Variants in GPC5 observed in about 807,000 individuals in gnomAD.
GPC5 encodes glypican-5.
A neutral mutation model predicts 53.9 loss-of-function variants in GPC5; 47 were observed. The ratio of observed to expected loss-of-function variants is 0.87; its 90% CI spans 0.69 to 1.11. GPC5 has a LOEUF of 1.11. Ranked by LOEUF, GPC5 falls within the 50% of genes most tolerant of loss-of-function variation. The probability of loss-of-function intolerance (pLI) is 0.00; values close to 1 mark genes in which losing one functional copy is unlikely to be tolerated. For missense variants in GPC5, 748 were observed against 713.1 expected (o/e 1.05, Z -0.56); for synonymous variants, 286 against 263.3 (o/e 1.09, Z -0.84).
intron 7 of GPC5, among the ~76,000 whole-genome samples, chr13:92,372,473 G>A (rs2043658747): frequency 6.6e-6 from 1 of 152,036 alleles, no homozygotes; most frequent in African/African-American, 2.4e-5. Flanking sequence ...TATGATATCA[G>A]TGACACTCCC....
At chr13:91,980,439 C>A (rs2040346658) in intron 6 of GPC5, among the ~76,000 whole-genome samples, 1 of 152,004 alleles carries the variant, frequency 6.6e-6, no homozygotes, top group African/African-American at 2.4e-5. Flanking sequence ...CTCACGGAAC[C>A]ACCAAAGTTC....
At position 92,693,287 on chromosome 13, in the gene GPC5, C is replaced by T. The variant is rs1263145777; in HGVS notation, c.1562-172995C>T. Among the ~76,000 whole-genome samples, 6 of 151,934 alleles carry T rather than the reference C, an allele frequency of 3.9e-5. No individual in the cohort carries two copies. The South Asian group carries it at 8.3e-4, about 21-fold the overall frequency. Reference sequence around the variant, plus strand: ...TAAAGTTAACCTGAAAATGTGGAGGCGACATTGGAACTGGGTAATGGACAG... The same window carrying T: ...TAAAGTTAACCTGAAAATGTGGAGGTGACATTGGAACTGGGTAATGGACAG... On this transcript the variant is annotated intron_variant, in intron 7 of 7. Transcript: ENST00000377067.
chr13:92,544,030 G>C (rs1157347483), intron 7 of GPC5, among the ~76,000 whole-genome samples: 1 of 151,694 alleles, frequency 6.6e-6, no homozygotes, highest in Non-Finnish European at 1.5e-5. Flanking sequence ...ATGCCAAATA[G>C]AAGTACCCTT....
chr13:91,802,289 C>T (rs2038148471), intron 5 of GPC5, among the ~76,000 whole-genome samples: 1 of 151,866 alleles, frequency 6.6e-6, no homozygotes, highest in African/African-American at 2.4e-5. Context: ...AGTGCAGACA[C>T]AGACCTTCAC....
intron 7 of GPC5, among the ~76,000 whole-genome samples, chr13:92,306,556 A>G (rs1045756404): frequency 1.2e-4 from 18 of 152,184 alleles, no homozygotes; most frequent in Admixed American, 1.1e-3. Flanking sequence ...TCTTAAAGCT[A>G]ATCCCACCCA....
intron 7 of GPC5, among the ~76,000 whole-genome samples, chr13:92,678,751 T>C (rs1011797169): frequency 3.9e-5 from 6 of 152,180 alleles, no homozygotes; most frequent in Non-Finnish European, 7.3e-5. Context: ...TTTAATAGTC[T>C]GCTGTCTGCT....
At chr13:92,704,026 C>T (rs937648696) in intron 7 of GPC5, among the ~76,000 whole-genome samples, 28 of 152,120 alleles carry the variant, frequency 1.8e-4, no homozygotes, top group African/African-American at 6.5e-4. Flanking sequence ...ATATTATCCT[C>T]ATTGGAAATA....
intron 3 of GPC5, among the ~76,000 whole-genome samples, chr13:91,714,423 C>T (rs1027930861): frequency 2.6e-5 from 4 of 152,168 alleles, no homozygotes; most frequent in African/African-American, 9.7e-5. Context: ...TGCATTCAAG[C>T]TCTGTCCATT....
intron 5 of GPC5, among the ~76,000 whole-genome samples, chr13:91,833,169 A>G (rs1196372369): frequency 6.6e-6 from 1 of 152,198 alleles, no homozygotes; most frequent in Non-Finnish European, 1.5e-5. Context: ...TCCTGGACAC[A>G]TACACCCTCC....
intron 7 of GPC5, among the ~76,000 whole-genome samples, chr13:92,209,890 G>A (rs2042362964): frequency 6.6e-6 from 1 of 152,148 alleles, no homozygotes; most frequent in Admixed American, 6.5e-5. Context: ...GAGGAGGAAA[G>A]ATGCCAGTCT....
intron 5 of GPC5, among the ~76,000 whole-genome samples, chr13:91,767,040 C>G (rs2037539413): frequency 6.6e-6 from 1 of 152,124 alleles, no homozygotes; most frequent in East Asian, 1.9e-4. Context: ...TTGACATTTT[C>G]TCTTCATTGG....
Position 91,573,518 on chromosome 13 carries a change from T to C in GPC5, c.326-119669T>C, listed in dbSNP as rs1004099948. Among the ~76,000 whole-genome samples, 11 of 152,314 alleles carry C rather than the reference T, an allele frequency of 7.2e-5. No homozygotes were observed. The East Asian group carries it at 1.4e-3, about 19-fold the overall frequency. Reference sequence around the variant, plus strand: ...GTCATTATTTTCATTTAAAAATGTATTTAATGAGTCATCACTATGTGAAAT... The same window carrying C: ...GTCATTATTTTCATTTAAAAATGTACTTAATGAGTCATCACTATGTGAAAT... On this transcript the variant is annotated intron_variant, in intron 2 of 7. Coordinates refer to ENST00000377067, the MANE Select transcript of GPC5 (RefSeq NM_004466.6).
At chr13:91,545,010 A>G (rs543687417) in intron 2 of GPC5, among the ~76,000 whole-genome samples, 1 of 152,118 alleles carries the variant, frequency 6.6e-6, no homozygotes, top group Non-Finnish European at 1.5e-5. Context: ...GGGTCTAACA[A>G]TAGGGCTATT....
intron 7 of GPC5, among the ~76,000 whole-genome samples, chr13:92,653,280 G>C (rs1029992859): frequency 1.3e-5 from 2 of 152,086 alleles, no homozygotes; most frequent in African/African-American, 4.8e-5. Context: ...TGGCTGCTTT[G>C]GGGAAGGAAG....
intron 2 of GPC5, among the ~76,000 whole-genome samples, chr13:91,580,829 A>G (rs2032333920): frequency 2.0e-5 from 3 of 152,168 alleles, no homozygotes; most frequent in Admixed American, 2.0e-4. Flanking sequence ...AAGTTATTTT[A>G]TGTATTAGTC....
At chr13:92,426,365 C>A (rs907741691) in intron 7 of GPC5, among the ~76,000 whole-genome samples, 3 of 152,048 alleles carry the variant, frequency 2.0e-5, no homozygotes, top group African/African-American at 7.2e-5. Context: ...AAAAGATTGG[C>A]CACCTCTTCT....
chr13:91,446,789 A>C (rs572557176), intron 1 of GPC5, among the ~76,000 whole-genome samples: 2 of 152,224 alleles, frequency 1.3e-5, no homozygotes, highest in African/African-American at 4.8e-5. Context: ...TTCCCTTTTC[A>C]CTGTGACCCA....
intron 7 of GPC5, among the ~76,000 whole-genome samples, chr13:92,487,694 A>G (rs1879605820): frequency 6.6e-6 from 1 of 152,134 alleles, no homozygotes; most frequent in Non-Finnish European, 1.5e-5. Flanking sequence ...CTGAGACACA[A>G]TTCTGTGAGA....
At chr13:91,561,431 A>G (rs1043740348) in intron 2 of GPC5, among the ~76,000 whole-genome samples, 13 of 152,158 alleles carry the variant, frequency 8.5e-5, no homozygotes, top group African/African-American at 1.9e-4. Context: ...TTACACTTCT[A>G]TCACACCTCA....
Sources: gnomAD v4.1 joint callset for allele counts (sites outside exome capture counted in the v4.1 genomes callset) on GRCh38, gnomAD v4.1.1 for gene constraint, MANE v1.5 for transcripts, NCBI Gene and HGNC (gene_info 2026-07-23, HGNC 2026-07-21) for gene names.